Variants in GAS7 observed in about 807,000 individuals in gnomAD.
The protein encoded by GAS7 is growth arrest specific 7.
Under a neutral mutation model 71.1 loss-of-function variants are expected in GAS7, and 28 were observed. That is an observed-to-expected ratio of 0.39 (90% CI 0.29 to 0.54). The LOEUF (loss-of-function observed/expected upper bound fraction) is 0.54. Ranked by LOEUF, GAS7 falls within the 20% of genes least tolerant of loss-of-function variation. GAS7 has a pLI of 0.62. For missense variants in GAS7, 436 were observed against 627.8 expected (o/e 0.69, Z 3.27); for synonymous variants, 258 against 245.8 (o/e 1.05, Z -0.46).
chr17:10,067,579 C>T (rs982713407), intron 1 of GAS7, among the ~76,000 whole-genome samples: 12 of 152,180 alleles, frequency 7.9e-5, no homozygotes, highest in African/African-American at 2.9e-4. Flanking sequence ...CCTATACCCC[C>T]ACCCCCTCTG....
At chr17:10,194,706 G>A (rs1182690132) in intron 1 of GAS7, among the ~76,000 whole-genome samples, 1 of 152,050 alleles carries the variant, frequency 6.6e-6, no homozygotes, top group Non-Finnish European at 1.5e-5. Context: ...GGGCACAGTG[G>A]CTCACGCCTG....
chr17:10,005,140 C>CGT (rs1243998240), intron 2 of GAS7, among the ~76,000 whole-genome samples: 2 of 36,366 alleles, frequency 5.5e-5, no homozygotes, highest in Admixed American at 2.5e-4. Flanking sequence ...CATGTGTGCG[C>CGT]GCACGCATGC....
At chr17:10,164,256 A>G (rs1220099074) in intron 1 of GAS7, among the ~76,000 whole-genome samples, 1 of 152,004 alleles carries the variant, frequency 6.6e-6, no homozygotes, top group Non-Finnish European at 1.5e-5. Context: ...TCCCTGGCAA[A>G]CGTGGTGAAA....
chr17:10,070,319 C>T (rs981972889), intron 1 of GAS7, among the ~76,000 whole-genome samples: 3 of 150,276 alleles, frequency 2.0e-5, no homozygotes, highest in African/African-American at 4.9e-5. Context: ...CCCAGCCCAG[C>T]TCTCCCTTCG....
At chr17:10,055,965 T>C in intron 1 of GAS7, among the ~76,000 whole-genome samples, 1 of 152,190 alleles carries the variant, frequency 6.6e-6, no homozygotes, top group East Asian at 1.9e-4. Context: ...TGATACTTTC[T>C]TTGACCCGCC....
At chr17:10,129,911 C>T (rs533139841) in intron 1 of GAS7, among the ~76,000 whole-genome samples, 4 of 152,284 alleles carry the variant, frequency 2.6e-5, no homozygotes, top group African/African-American at 4.8e-5. Context: ...TGGTGGCTCA[C>T]GCCTGTAATC....
At chr17:9,985,132 C>T (rs1346644476) in intron 2 of GAS7, among the ~76,000 whole-genome samples, 2 of 152,156 alleles carry the variant, frequency 1.3e-5, no homozygotes, top group African/African-American at 4.8e-5. Context: ...TGGAGATGCC[C>T]CTCCATCACG....
chr17:10,126,696 G>C (rs896476647), intron 1 of GAS7, among the ~76,000 whole-genome samples: 8 of 152,160 alleles, frequency 5.3e-5, no homozygotes, highest in Non-Finnish European at 1.2e-4. Context: ...CAGAATTCGG[G>C]GAAGCCACTC....
At chr17:10,102,917 GACACATTTTAGGAA>G (rs920217483) in intron 1 of GAS7, among the ~76,000 whole-genome samples, 1 of 152,098 alleles carries the variant, frequency 6.6e-6, no homozygotes, top group Non-Finnish European at 1.5e-5. Context: ...GCATATCCTG[GACACATTTTAGGAA>G]ACTGTCTCTT....
At chr17:9,999,942 A>G (rs7224356) in intron 2 of GAS7, among the ~76,000 whole-genome samples, 37,434 of 152,154 alleles carry the variant, frequency 0.25, 7,269 homozygotes, top group African/African-American at 0.54. Context: ...AACTTCATCC[A>G]TGCAGAGGAA....
At chr17:10,028,400 A>G (rs1326645968) in intron 1 of GAS7, among the ~76,000 whole-genome samples, 1 of 152,160 alleles carries the variant, frequency 6.6e-6, no homozygotes, top group African/African-American at 2.4e-5. Flanking sequence ...TTCCTCATAC[A>G]TTATCTGGTC....
intron 1 of GAS7, among the ~76,000 whole-genome samples, chr17:10,021,909 C>A (rs917712858): frequency 2.0e-5 from 3 of 152,172 alleles, no homozygotes; most frequent in Non-Finnish European, 4.4e-5. Context: ...GATGAACATT[C>A]TGTCCAATAG....
At chr17:9,956,545 C>A (rs572364047) in intron 5 of GAS7, among the ~76,000 whole-genome samples, 11 of 152,252 alleles carry the variant, frequency 7.2e-5, no homozygotes, top group African/African-American at 2.4e-4. Context: ...CCATGAGCAC[C>A]CGTCACTCCC....
intron 1 of GAS7, among the ~76,000 whole-genome samples, chr17:10,147,903 G>A (rs2074133746): frequency 6.6e-6 from 1 of 152,128 alleles, no homozygotes; most frequent in African/African-American, 2.4e-5. Context: ...AGGTCTGAAT[G>A]CCAAGTCTGT....
chr17:10,197,410 C>CT (rs1555542579), intron 1 of GAS7, among the ~76,000 whole-genome samples: 2 of 147,928 alleles, frequency 1.4e-5, no homozygotes, highest in South Asian at 2.1e-4. Context: ...GTCACCCCCC[C>CT]ACACACAAAG....
chr17:10,158,857 T>C (rs1178273280), intron 1 of GAS7, among the ~76,000 whole-genome samples: 2 of 151,270 alleles, frequency 1.3e-5, no homozygotes, highest in African/African-American at 2.4e-5. Context: ...GAGTTCAAGA[T>C]CAGCCTGGGC....
At chr17:9,923,837 T>C (rs922364711) in intron 11 of GAS7, among the ~76,000 whole-genome samples, 1 of 152,220 alleles carries the variant, frequency 6.6e-6, no homozygotes. Flanking sequence ...ACAGCTTCAC[T>C]GGCTGGCAAG....
At chr17:10,145,718 G>A (rs898392109) in intron 1 of GAS7, among the ~76,000 whole-genome samples, 2 of 152,162 alleles carry the variant, frequency 1.3e-5, no homozygotes, top group African/African-American at 4.8e-5. Context: ...TGGGGGAGGT[G>A]GGCTTTAGGG....
intron 3 of GAS7, among the ~76,000 whole-genome samples, chr17:9,976,830 T>A (rs952238243): frequency 3.3e-5 from 5 of 152,132 alleles, no homozygotes; most frequent in African/African-American, 1.2e-4. Context: ...GAAAAACACG[T>A]AAGTTCAATG....
Sources: gnomAD v4.1 joint callset for allele counts (sites outside exome capture counted in the v4.1 genomes callset) on GRCh38, gnomAD v4.1.1 for gene constraint, MANE v1.5 for transcripts, NCBI Gene and HGNC (gene_info 2026-07-23, HGNC 2026-07-21) for gene names.